LARP1B: variants seen among roughly 807,000 people sequenced by gnomAD.
LARP1B encodes La ribonucleoprotein 1B.
A neutral mutation model predicts 114.2 loss-of-function variants in LARP1B; 76 were observed. The observed-to-expected ratio is 0.67, with a 90% CI of 0.55 to 0.81. The LOEUF (loss-of-function observed/expected upper bound fraction) is 0.81. LARP1B is among the 30% of genes least tolerant of loss of function. LARP1B has a pLI of 0.00. For missense variants in LARP1B, 1,014 were observed against 1,075.8 expected (o/e 0.94, Z 0.80); for synonymous variants, 345 against 348.0 (o/e 0.99, Z 0.10).
At chr4:128,156,582 G>C (rs1228538096) in intron 11 of LARP1B, among the ~76,000 whole-genome samples, 1 of 151,738 alleles carries the variant, frequency 6.6e-6, no homozygotes, top group East Asian at 1.9e-4. Flanking sequence ...CCCTACCCCC[G>C]TGACAGAAGG....
chr4:128,130,427 G>A (rs567650938), intron 11 of LARP1B, among the ~76,000 whole-genome samples: 5 of 152,274 alleles, frequency 3.3e-5, no homozygotes, highest in African/African-American at 4.8e-5. Flanking sequence ...CAGCAAATAT[G>A]CATATGAAAA....
chr4:128,100,498 T>G (rs1039227614), intron 8 of LARP1B, among the ~76,000 whole-genome samples: 3 of 151,686 alleles, frequency 2.0e-5, no homozygotes, highest in African/African-American at 7.3e-5. Flanking sequence ...GGTCTTGATC[T>G]TTTGACCTTA....
At chr4:128,189,323 A>T (rs1468820241) in intron 15 of LARP1B, among the ~76,000 whole-genome samples, 7 of 13,420 alleles carry the variant, frequency 5.2e-4, no homozygotes, top group Non-Finnish European at 7.4e-4. Flanking sequence ...AAGTATGGCT[A>T]CTTTTTTTTT....
At chr4:128,100,750 A>G (rs949571668) in intron 8 of LARP1B, among the ~76,000 whole-genome samples, 3 of 150,402 alleles carry the variant, frequency 2.0e-5, no homozygotes, top group Admixed American at 2.0e-4. Flanking sequence ...CAAGTCCATT[A>G]TGTATTTTGC....
At chr4:128,212,314 G>A (rs1351187696), downstream of LARP1B, among the ~76,000 whole-genome samples, 1 of 152,094 alleles carries the variant, frequency 6.6e-6, no homozygotes, top group Non-Finnish European at 1.5e-5. Flanking sequence ...GCTGACTGTT[G>A]AACTTTGGCT....
At chr4:128,155,768 A>AGGAACTGACTGACTTCCTGCAGGCGG in intron 11 of LARP1B, 15 of 1,603,592 alleles carry the variant, frequency 9.4e-6, no homozygotes, top group Non-Finnish European at 1.1e-5. Context: ...AACTGGAGGA[A>AGGAACTGACTGACTTCCTGCAGGCGG]GGAACTGACT....
In LARP1B at chr4:128,097,672, A is replaced by G. The variant is rs565848750; in HGVS notation, c.669-514A>G. Among the ~76,000 whole-genome samples, 5 of 152,302 alleles carry G rather than the reference A, an allele frequency of 3.3e-5. No homozygotes were observed. In the South Asian group the frequency reaches 8.3e-4, roughly 25 times the overall value. On this transcript the variant is annotated intron_variant, in intron 7 of 19. Transcript: ENST00000326639. The stretch of plus-strand genomic sequence containing the variant: ...AGGCTTCAGAAGTATTAAACATGGC[A>G]GTACTTTGTCAACTTAGAAAACAAA...
chr4:128,174,490 C>G (rs1745084150), intron 12 of LARP1B, among the ~76,000 whole-genome samples: 1 of 151,890 alleles, frequency 6.6e-6, no homozygotes, highest in South Asian at 2.1e-4. Context: ...AATCAACATA[C>G]TCTATAGATG....
chr4:128,123,371 T>G lies in LARP1B; in HGVS notation c.1524+1183T>G, dbSNP rs1204370471. The G allele has an allele frequency of 1.4e-5, 14 of 982,558 alleles. No individual in the cohort carries two copies. The East Asian group carries it at 1.5e-3, about 104-fold the overall frequency. 60.9% of individuals were successfully genotyped at this position (982,558 alleles called of 1,614,324 possible). On this transcript the variant is annotated intron_variant, in intron 11 of 19. Transcript: ENST00000326639. ...AGCATTGCTATTTTATTTGTAATACTTAGGTTCGGTAAGTAATACCTATCT... is the reference window on the plus strand; with the variant it reads ...AGCATTGCTATTTTATTTGTAATACGTAGGTTCGGTAAGTAATACCTATCT...
chr4:128,206,790 G>A lies in LARP1B; in HGVS notation c.2419+253G>A, dbSNP rs939719246. The A allele has an allele frequency of 1.2e-5, 12 of 985,166 alleles. No homozygotes were observed. In the African/African-American group the frequency reaches 1.2e-4, roughly 10 times the overall value. 61.0% of individuals were successfully genotyped at this position (985,166 alleles called of 1,614,324 possible). A position where few individuals can be genotyped will look rare whatever the true frequency, so the allele number is the denominator to read the frequency against. Reference sequence around the variant, plus strand: ...TTTTGTCATTATCCCTTTGACAAACGTGGCTACTCACTGATGTTCCGTTAC... The same window carrying A: ...TTTTGTCATTATCCCTTTGACAAACATGGCTACTCACTGATGTTCCGTTAC... On this transcript the variant is annotated intron_variant, in intron 18 of 19. Coordinates refer to ENST00000326639, the MANE Select transcript of LARP1B (RefSeq NM_018078.4).
intron 15 of LARP1B, among the ~76,000 whole-genome samples, chr4:128,196,684 A>G (rs1051691981): frequency 2.0e-5 from 3 of 151,712 alleles, no homozygotes; most frequent in Non-Finnish European, 4.4e-5. Context: ...AACCTCTACC[A>G]GCTATACCAC....
At chr4:128,106,862 A>T (rs971095409) in intron 8 of LARP1B, among the ~76,000 whole-genome samples, 7 of 152,174 alleles carry the variant, frequency 4.6e-5, no homozygotes, top group African/African-American at 1.7e-4. Flanking sequence ...GTAAAAGTCA[A>T]TTTGCTTCTA....
In LARP1B at chr4:128,162,293, GTAGCACCT is replaced by G; in HGVS notation, c.1626_1633del (p.Ala543ThrfsTer20). The G allele has an allele frequency of 2.5e-6, 4 of 1,613,182 alleles. No individual in the cohort carries two copies. The highest frequency in any genetic ancestry group is 3.4e-6 in the Non-Finnish European group (4 of 1,179,370). On this transcript the variant is annotated frameshift_variant, in exon 12 of 20. Transcript: ENST00000326639. LOFTEE classifies it high-confidence loss of function. ...TTTTGAGCCAAACCAAGAAGTTCCTGTAGCACCTTCACAGTCCAGGCAAGGTATGTAAA... is the reference window on the plus strand; with the variant it reads ...TTTTGAGCCAAACCAAGAAGTTCCTGTCACAGTCCAGGCAAGGTATGTAAA...
At chr4:128,110,232 A>G (rs942987652) in intron 9 of LARP1B, among the ~76,000 whole-genome samples, 2 of 152,134 alleles carry the variant, frequency 1.3e-5, no homozygotes, top group Non-Finnish European at 2.9e-5. Context: ...AGCAGCAAAG[A>G]TAAATTTTCT....
chr4:128,064,000 G>T (rs1297870401), intron 1 of LARP1B, among the ~76,000 whole-genome samples: 1 of 151,876 alleles, frequency 6.6e-6, no homozygotes, highest in South Asian at 2.1e-4. Flanking sequence ...GGCTGTGCGC[G>T]GTGGCACACG....
intron 15 of LARP1B, among the ~76,000 whole-genome samples, chr4:128,181,866 T>TTC (rs1748546187): frequency 7.0e-6 from 1 of 143,504 alleles, no homozygotes; most frequent in South Asian, 2.2e-4. Flanking sequence ...AGTGCAGGGG[T>TTC]GTGATCTCAG....
intron 11 of LARP1B, chr4:128,123,340 A>AGT: frequency 2.0e-6 from 2 of 985,288 alleles, no homozygotes; most frequent in Non-Finnish European, 2.4e-6. Flanking sequence ...AGTCTTTCCT[A>AGT]GTGTAAGCAT....
At chr4:128,079,986 CTTT>C (rs1268942912) in intron 4 of LARP1B, among the ~76,000 whole-genome samples, 2 of 144,302 alleles carry the variant, frequency 1.4e-5, no homozygotes, top group African/African-American at 2.5e-5. Context: ...TAAAATTTGT[CTTT>C]TTTTTTTTTT....
At chr4:128,201,113 G>T (rs903914525) in intron 17 of LARP1B, among the ~76,000 whole-genome samples, 8 of 152,250 alleles carry the variant, frequency 5.3e-5, no homozygotes, top group African/African-American at 1.7e-4. Flanking sequence ...CTTCCCTAGG[G>T]CATTTTACAA....
Sources: allele counts gnomAD v4.1 joint callset (sites outside exome capture counted in the v4.1 genomes callset), GRCh38; gene constraint gnomAD v4.1.1; transcripts MANE v1.5; gene names NCBI Gene and HGNC (gene_info 2026-07-23, HGNC 2026-07-21).